RRP12: variants seen among roughly 807,000 people sequenced by gnomAD.
RRP12 encodes the protein RRP12-like protein.
Under a neutral mutation model 157.3 loss-of-function variants are expected in RRP12, and 78 were observed. That is an observed-to-expected ratio of 0.50 (90% CI 0.41 to 0.60). RRP12 has a LOEUF of 0.60. Among genes scored for constraint, RRP12 ranks in the 20% least tolerant of loss-of-function variants. The pLI is 0.00. For missense variants in RRP12, 1,521 were observed against 1,679.9 expected (o/e 0.91, Z 1.65); for synonymous variants, 726 against 670.9 (o/e 1.08, Z -1.27).
At chr10:97,358,854 T>C in intron 32 of RRP12, 89 bp downstream of exon 32, 2 of 1,125,294 alleles carry the variant, frequency 1.8e-6, no homozygotes, top group Non-Finnish European at 1.3e-6. Flanking sequence ...AAGGTGCCTC[T>C]CAGGACAGTG....
intron 13 of RRP12, among the ~76,000 whole-genome samples, chr10:97,380,054 A>C (rs1844423717): frequency 1.3e-5 from 2 of 152,258 alleles, no homozygotes; most frequent in South Asian, 4.1e-4. Flanking sequence ...TCTTGTCTGC[A>C]TGCAACAATT....
At chr10:97,388,123 C>T in intron 8 of RRP12, 129 bp downstream of exon 8, 1 of 1,181,490 alleles carries the variant, frequency 8.5e-7, no homozygotes, top group Non-Finnish European at 1.2e-6. Context: ...TAACGTAGTG[C>T]TGTTGGTTTT....
rs145797467 is a variant in RRP12, at chr10:97,361,353, C to G, written c.3568-735G>C. ...CAGATGTGAGCCTAGAACCAACAAC[C>G]AGGCCAGGCAGAGGCGTGCTGTGCA... On this transcript the variant is annotated intron_variant, in intron 30 of 33. Coordinates refer to ENST00000370992, the MANE Select transcript of RRP12 (RefSeq NM_015179.4). 5.3e-3 allele frequency among the ~76,000 whole-genome samples: 804 copies of G among 152,332 alleles called. 11 individuals are homozygous for G. The highest frequency in any genetic ancestry group is 0.018 in the African/African-American group (757 of 41,584).
intron 24 of RRP12, among the ~76,000 whole-genome samples, chr10:97,369,873 A>T (rs1055107907): frequency 1.3e-4 from 20 of 152,230 alleles, no homozygotes; most frequent in Admixed American, 1.0e-3. Context: ...ACTAGGACTA[A>T]AATCCAGGCA....
At chr10:97,371,226 C>T in intron 20 of RRP12, 145 bp from the exon 21 acceptor site, 1 of 846,866 alleles carries the variant, frequency 1.2e-6, no homozygotes, top group Non-Finnish European at 1.8e-6. Context: ...GGAATGTGGA[C>T]AGCGAGTGGC....
intron 10 of RRP12, 136 bp from the exon 11 acceptor site, chr10:97,381,962 T>G: frequency 3.2e-6 from 2 of 617,508 alleles, no homozygotes; most frequent in South Asian, 4.1e-5. Context: ...AGGGCCCTTC[T>G]GGTGGGTGGT....
intron 4 of RRP12, among the ~76,000 whole-genome samples, chr10:97,392,756 A>G (rs1844844989): frequency 2.0e-5 from 3 of 149,806 alleles, no homozygotes; most frequent in African/African-American, 7.4e-5. Flanking sequence ...CAATGGCATG[A>G]TCTCAGCTCA....
At chr10:97,362,673 G>A (rs1025453437) in intron 30 of RRP12, among the ~76,000 whole-genome samples, 3 of 152,152 alleles carry the variant, frequency 2.0e-5, no homozygotes, top group African/African-American at 4.8e-5. Flanking sequence ...TTCAGCAGAA[G>A]CCCCACTGCT....
chr10:97,398,517 C>T (rs1310272542), intron 2 of RRP12, among the ~76,000 whole-genome samples: 1 of 150,904 alleles, frequency 6.6e-6, no homozygotes, highest in East Asian at 1.9e-4. Flanking sequence ...CCATGCCAGG[C>T]TAATTTTTTA....
In RRP12 at chr10:97,366,629, C is replaced by T. The variant is rs1843989643; in HGVS notation, c.3216-8G>A. On this transcript the variant is annotated splice_region_variant and splice_polypyrimidine_tract_variant and intron_variant, in intron 27 of 33. Transcript: ENST00000370992. The stretch of plus-strand genomic sequence containing the variant: ...GCTAAAATCTCCTCAATGCTAAGGA[C>T]AAAAAGCCCCCAGTCAGAGTGCTCC... The T allele has an allele frequency of 6.2e-7, 1 of 1,607,180 alleles. No individual in the cohort carries two copies. The highest frequency in any genetic ancestry group is 1.3e-5 in the African/African-American group (1 of 74,820).
chr10:97,382,332 A>C (rs1201304318), intron 10 of RRP12, among the ~76,000 whole-genome samples: 1 of 151,976 alleles, frequency 6.6e-6, no homozygotes, highest in Non-Finnish European at 1.5e-5. Flanking sequence ...TTTTGTAGAG[A>C]CAGGATCTCA....
intron 15 of RRP12, among the ~76,000 whole-genome samples, chr10:97,376,284 G>A (rs1038688324): frequency 7.6e-6 from 1 of 131,570 alleles, no homozygotes; most frequent in African/African-American, 3.0e-5. Flanking sequence ...GTGTCATCTC[G>A]GCTCACTGCA....
chr10:97,385,785 G>T, intron 9 of RRP12, 110 bp downstream of exon 9: 1 of 770,112 alleles, frequency 1.3e-6, no homozygotes, highest in Non-Finnish European at 2.2e-6. Context: ...GGACAACCCA[G>T]CCCAGCCAAC....
intron 30 of RRP12, 97 bp downstream of exon 30, chr10:97,363,757 A>G (rs1287120998): frequency 1.8e-6 from 2 of 1,118,730 alleles, no homozygotes; most frequent in Non-Finnish European, 2.7e-6. Context: ...TTCCAGAAAC[A>G]GGGCAGTTCC....
chr10:97,368,443 C>G (rs185241010), intron 25 of RRP12, among the ~76,000 whole-genome samples: 3 of 152,148 alleles, frequency 2.0e-5, no homozygotes, highest in African/African-American at 7.2e-5. Context: ...CTGCAACATC[C>G]GCCTCCCAGG....
At chr10:97,388,884 G>C (rs1844714513) in intron 6 of RRP12, among the ~76,000 whole-genome samples, 1 of 152,072 alleles carries the variant, frequency 6.6e-6, no homozygotes, top group Non-Finnish European at 1.5e-5. Flanking sequence ...CTTAATTTCT[G>C]AGTTTCAATA....
intron 2 of RRP12, among the ~76,000 whole-genome samples, chr10:97,397,308 G>A (rs1158283723): frequency 6.6e-6 from 1 of 151,898 alleles, no homozygotes; most frequent in Non-Finnish European, 1.5e-5. Flanking sequence ...TTACAGGCAT[G>A]TGCCACTACG....
chr10:97,390,896 G>T (rs762065047), intron 4 of RRP12, 52 bp from the exon 5 acceptor site: 3 of 1,212,626 alleles, frequency 2.5e-6, no homozygotes, highest in East Asian at 2.3e-5. Context: ...AAGAGCAGCT[G>T]GTGCAGCCCC....
At chr10:97,378,810 T>C (rs567069556) in intron 15 of RRP12, among the ~76,000 whole-genome samples, 21 of 152,210 alleles carry the variant, frequency 1.4e-4, no homozygotes, top group African/African-American at 3.9e-4. Context: ...TGAGCCGAGA[T>C]TGCGCCACTG....
Sources: gnomAD v4.1 joint callset for allele counts (sites outside exome capture counted in the v4.1 genomes callset) on GRCh38, gnomAD v4.1.1 for gene constraint, MANE v1.5 for transcripts, NCBI Gene and HGNC (gene_info 2026-07-23, HGNC 2026-07-21) for gene names.